ADGRL2: variants seen among roughly 807,000 people sequenced by gnomAD.
ADGRL2 encodes calcium-independent alpha-latrotoxin receptor 2.
Under a neutral mutation model 157.4 loss-of-function variants are expected in ADGRL2, and 44 were observed. The observed-to-expected ratio is 0.28, with a 90% CI of 0.22 to 0.36. The LOEUF is 0.36. Among genes scored for constraint, ADGRL2 ranks in the 10% least tolerant of loss-of-function variants. The pLI, the probability that ADGRL2 is intolerant of heterozygous loss-of-function variation, is 1.00. For missense variants in ADGRL2, 1,510 were observed against 1,768.9 expected (o/e 0.85, Z 2.63); for synonymous variants, 585 against 624.7 (o/e 0.94, Z 0.95).
At chr1:81,793,203 T>C (rs2149425763) in intron 2 of ADGRL2, among the ~76,000 whole-genome samples, 1 of 152,190 alleles carries the variant, frequency 6.6e-6, no homozygotes, top group African/African-American at 2.4e-5. Context: ...AAAATCATAG[T>C]AACAAAAATA....
At chr1:81,950,888 C>T in intron 7 of ADGRL2, 130 bp from the exon 8 acceptor site, 13 of 646,852 alleles carry the variant, frequency 2.0e-5, no homozygotes, top group Admixed American at 5.0e-5. Flanking sequence ...CTTTTTGTCA[C>T]TTATTGTCAA....
intron 3 of ADGRL2, among the ~76,000 whole-genome samples, chr1:81,585,257 A>G (rs2081001121): frequency 6.6e-6 from 1 of 152,122 alleles, no homozygotes; most frequent in African/African-American, 2.4e-5. Context: ...CCTTAGTTAA[A>G]TTCATATATA....
At chr1:81,426,677 T>C (rs747379493) in intron 1 of ADGRL2, 2 of 469,510 alleles carry the variant, frequency 4.3e-6, no homozygotes, top group Non-Finnish European at 8.3e-6. Flanking sequence ...AAGAAAACGT[T>C]CCAGGGGGTT....
intron 2 of ADGRL2, among the ~76,000 whole-genome samples, chr1:81,861,725 C>G (rs2093395541): frequency 6.6e-6 from 1 of 151,882 alleles, no homozygotes; most frequent in Non-Finnish European, 1.5e-5. Context: ...CCTGTTTTTA[C>G]TAAAAATACA....
intron 1 of ADGRL2, among the ~76,000 whole-genome samples, chr1:81,361,906 A>T (rs752031707): frequency 4.0e-5 from 6 of 151,822 alleles, no homozygotes; most frequent in Non-Finnish European, 5.9e-5. Context: ...CCCCCATTCA[A>T]TAACCCTCTG....
At chr1:81,553,971 C>A (rs547996691) in intron 2 of ADGRL2, among the ~76,000 whole-genome samples, 2 of 152,290 alleles carry the variant, frequency 1.3e-5, no homozygotes, top group East Asian at 3.9e-4. Context: ...TTCCATTTAT[C>A]TAAAGGCCCT....
chr1:81,411,063 C>T (rs1261612393), intron 1 of ADGRL2, among the ~76,000 whole-genome samples: 1 of 152,138 alleles, frequency 6.6e-6, no homozygotes. Context: ...ATTTTAGTTG[C>T]CACTATTACT....
At position 81,628,675 on chromosome 1, in the gene ADGRL2, C is replaced by A. The variant is rs1196740638; in HGVS notation, c.-143+47695C>A. Among the ~76,000 whole-genome samples, 54 of 152,092 alleles carry A rather than the reference C, an allele frequency of 3.6e-4. 1 individual carries two copies. The highest frequency in any genetic ancestry group is 3.5e-3 in the Admixed American group (54 of 15,268). ...GAAGAGAATGCTTTCTTTACACCAT[C>A]ACAGTTGCTTCAGTCTTGGCTTTTC... On this transcript the variant is annotated intron_variant, in intron 3 of 24. Coordinates refer to the ADGRL2 transcript ENST00000370721.
rs2078110510 is a variant in ADGRL2 at position 81,468,704 on chromosome 1, T to C, written c.-248+23615T>C. ...AATCACTGCATCAGATTTTTATGCA[T>C]ATCCTGTGTGTAGCTCAGCATTCAA... On this transcript the variant is annotated intron_variant, in intron 2 of 24. Transcript: ENST00000370721. Among the ~76,000 whole-genome samples, 5 of 152,226 alleles carry C rather than the reference T, an allele frequency of 3.3e-5. No individual in the cohort carries two copies. In the South Asian group the frequency reaches 1.0e-3, roughly 31 times the overall value.
intron 17 of ADGRL2, among the ~76,000 whole-genome samples, chr1:81,973,067 G>A (rs1659224527): frequency 6.6e-6 from 1 of 151,768 alleles, no homozygotes; most frequent in Non-Finnish European, 1.5e-5. Context: ...ATCTTTTCAT[G>A]GTTAAGCAGT....
chr1:81,783,454 A>AT lies in ADGRL2; in HGVS notation c.-101+21609dup, dbSNP rs541153384. 9.9e-4 allele frequency among the ~76,000 whole-genome samples: 150 copies of AT among 151,028 alleles called. 4 individuals are homozygous for AT. The South Asian group carries it at 0.031, about 31-fold the overall frequency. On this transcript the variant is annotated intron_variant, in intron 2 of 20. Transcript: ENST00000359929. Reference sequence around the variant, plus strand: ...CTCTTTATTTGCTTTTTAATTTTCAATTTTTTTATTTTTTCTTTGCCTCTA... The same window carrying AT: ...CTCTTTATTTGCTTTTTAATTTTCAATTTTTTTTATTTTTTCTTTGCCTCTA...
At chr1:81,666,128 C>T (rs2082745952) in intron 3 of ADGRL2, among the ~76,000 whole-genome samples, 1 of 152,146 alleles carries the variant, frequency 6.6e-6, no homozygotes. Context: ...TTTAAATAGA[C>T]TCTCAAGGAA....
chr1:81,606,767 TGTGTGTGC>T (rs746681043), intron 3 of ADGRL2, among the ~76,000 whole-genome samples: 5,248 of 137,604 alleles, frequency 0.038, 136 homozygotes, highest in Admixed American at 0.085. Context: ...TGTGTGTGTG[TGTGTGTGC>T]GCACGCGTGT....
intron 2 of ADGRL2, among the ~76,000 whole-genome samples, chr1:81,518,068 G>A (rs192394157): frequency 6.6e-6 from 1 of 152,366 alleles, no homozygotes; most frequent in East Asian, 1.9e-4. Context: ...AAAATTAATT[G>A]AGACTAGGTT....
At chr1:81,873,566 C>T (rs946314984) in intron 2 of ADGRL2, among the ~76,000 whole-genome samples, 3 of 152,020 alleles carry the variant, frequency 2.0e-5, no homozygotes, top group African/African-American at 4.8e-5. Context: ...AGCATCAACC[C>T]AGCTAAGGTA....
chr1:81,362,836 T>A (rs889472298), intron 1 of ADGRL2, among the ~76,000 whole-genome samples: 1 of 152,012 alleles, frequency 6.6e-6, no homozygotes, highest in Non-Finnish European at 1.5e-5. Flanking sequence ...CATTCAGTGG[T>A]TAGCCCATGA....
chr1:81,745,113 G>T (rs1211639912), intron 1 of ADGRL2, among the ~76,000 whole-genome samples: 5 of 152,182 alleles, frequency 3.3e-5, no homozygotes, highest in Admixed American at 2.0e-4. Context: ...AGAGACTTCT[G>T]TCTTGATAAC....
intron 1 of ADGRL2, among the ~76,000 whole-genome samples, chr1:81,348,277 A>G (rs1239666630): frequency 6.6e-6 from 1 of 152,166 alleles, no homozygotes; most frequent in Non-Finnish European, 1.5e-5. Context: ...ACACACACAC[A>G]TACACACACA....
At chr1:81,808,694 A>G (rs2089473375) in intron 1 of ADGRL2, among the ~76,000 whole-genome samples, 1 of 152,068 alleles carries the variant, frequency 6.6e-6, no homozygotes, top group African/African-American at 2.4e-5. Context: ...TCAGCGACCA[A>G]AATACATTTT....
Sources: gnomAD v4.1 joint callset for allele counts (sites outside exome capture counted in the v4.1 genomes callset) on GRCh38, gnomAD v4.1.1 for gene constraint, MANE v1.5 for transcripts, NCBI Gene and HGNC (gene_info 2026-07-23, HGNC 2026-07-21) for gene names.